The following CPHXL2 variants were observed in gnomAD, a reference collection of about 807,000 sequenced individuals.
CPHXL2 encodes cytoplasmic polyadenylated homeobox-like protein 2.
the CPHXL2 span, among the ~76,000 whole-genome samples, chr16:75,665,589 G>A: frequency 6.6e-6 from 1 of 152,196 alleles, no homozygotes; most frequent in Non-Finnish European, 1.5e-5. Flanking sequence ...ATAGCCAGGT[G>A]CAGTGGCACA....
the CPHXL2 span, among the ~76,000 whole-genome samples, chr16:75,668,446 C>A: frequency 6.6e-6 from 1 of 152,096 alleles, no homozygotes; most frequent in Non-Finnish European, 1.5e-5. Context: ...TCAGGCTGGT[C>A]TCAAACTCCT....
At chr16:75,660,783 C>T in the CPHXL2 span, 1 of 398,540 alleles carries the variant, frequency 2.5e-6, no homozygotes, top group Non-Finnish European at 4.4e-6. Context: ...AGGATGAAGG[C>T]ATTCTGCAGA....
the CPHXL2 span, among the ~76,000 whole-genome samples, chr16:75,667,836 C>T: frequency 6.6e-6 from 1 of 152,220 alleles, no homozygotes; most frequent in East Asian, 1.9e-4. Flanking sequence ...TCTGACACAC[C>T]TGCCCCTACC....
chr16:75,667,418 A>T, the CPHXL2 span, among the ~76,000 whole-genome samples: 1 of 152,014 alleles, frequency 6.6e-6, no homozygotes, highest in Non-Finnish European at 1.5e-5. Flanking sequence ...ATTCTAGTTT[A>T]TATTAATGGG....
At chr16:75,671,361 C>CAAAAA in the CPHXL2 span, among the ~76,000 whole-genome samples, 561 of 126,340 alleles carry the variant, frequency 4.4e-3, 10 homozygotes, top group African/African-American at 0.015. Context: ...GACTCTGTAT[C>CAAAAA]AAAAAAAAAA....
At chr16:75,670,261 A>C in the CPHXL2 span, among the ~76,000 whole-genome samples, 2 of 152,048 alleles carry the variant, frequency 1.3e-5, no homozygotes, top group Admixed American at 6.6e-5. Context: ...ATATTTTATT[A>C]TTTCATCACT....
the CPHXL2 span, among the ~76,000 whole-genome samples, chr16:75,665,540 A>G: frequency 1.3e-5 from 2 of 152,226 alleles, no homozygotes; most frequent in African/African-American, 2.4e-5. Context: ...TTTAAAGCAT[A>G]AATCTCACAG....
chr16:75,662,834 T>C, the CPHXL2 span, among the ~76,000 whole-genome samples: 4 of 149,582 alleles, frequency 2.7e-5, no homozygotes, highest in East Asian at 8.0e-4. Flanking sequence ...AGTCTCGCTC[T>C]GTCGTCCAGG....
At chr16:75,670,185 A>G in the CPHXL2 span, among the ~76,000 whole-genome samples, 1 of 152,192 alleles carries the variant, frequency 6.6e-6, no homozygotes, top group Non-Finnish European at 1.5e-5. Flanking sequence ...AAGTGCTGGG[A>G]TTACAGGGGT....
the CPHXL2 span, among the ~76,000 whole-genome samples, chr16:75,673,027 C>T: frequency 7.2e-5 from 10 of 138,568 alleles, no homozygotes; most frequent in Admixed American, 7.9e-4. Flanking sequence ...GTGAGCCGTG[C>T]ACGTGCCACT....
At chr16:75,674,630 A>T in the CPHXL2 span, among the ~76,000 whole-genome samples, 1 of 152,132 alleles carries the variant, frequency 6.6e-6, no homozygotes, top group African/African-American at 2.4e-5. Context: ...GAGGCCCCAA[A>T]TAGCCAAAAT....
the CPHXL2 span, among the ~76,000 whole-genome samples, chr16:75,676,066 C>A: frequency 1.3e-5 from 2 of 151,432 alleles, no homozygotes; most frequent in African/African-American, 4.8e-5. Context: ...GTGACAAGAG[C>A]AAAACTCCGT....
At chr16:75,666,616 A>G in the CPHXL2 span, among the ~76,000 whole-genome samples, 1 of 151,582 alleles carries the variant, frequency 6.6e-6, no homozygotes, top group African/African-American at 2.4e-5. Context: ...CTCAAAAAAA[A>G]AAAAAAAAAA....
the CPHXL2 span, among the ~76,000 whole-genome samples, chr16:75,665,310 A>G: frequency 9.2e-5 from 14 of 152,384 alleles, no homozygotes; most frequent in Admixed American, 2.6e-4. Context: ...TACAAGCTAG[A>G]AGGGATTGGG....
the CPHXL2 span, among the ~76,000 whole-genome samples, chr16:75,668,802 A>C: frequency 6.6e-6 from 1 of 152,134 alleles, no homozygotes; most frequent in African/African-American, 2.4e-5. Context: ...CTGGGATTAC[A>C]GGTGTGTGCC....
chr16:75,674,372 CA>C, the CPHXL2 span, among the ~76,000 whole-genome samples: 6,678 of 53,406 alleles, frequency 0.13, 56 homozygotes, highest in African/African-American at 0.16. Flanking sequence ...GACTCCGTCT[CA>C]AAAAAAAAAA....
chr16:75,672,157 T>A, the CPHXL2 span, among the ~76,000 whole-genome samples: 1 of 151,484 alleles, frequency 6.6e-6, no homozygotes, highest in East Asian at 2.0e-4. Flanking sequence ...CGGGTGCCTG[T>A]AATCCCAGCT....
At chr16:75,676,792 G>T in the CPHXL2 span, among the ~76,000 whole-genome samples, 2 of 152,140 alleles carry the variant, frequency 1.3e-5, no homozygotes, top group African/African-American at 4.8e-5. Flanking sequence ...AATCATAATT[G>T]GGTTTAATTT....
the CPHXL2 span, among the ~76,000 whole-genome samples, chr16:75,664,891 C>T: frequency 1.3e-5 from 2 of 152,152 alleles, no homozygotes; most frequent in Non-Finnish European, 2.9e-5. Flanking sequence ...TTGGTCCCCA[C>T]CAGCAAGAAA....
Sources: gnomAD v4.1 joint callset for allele counts (sites outside exome capture counted in the v4.1 genomes callset) on GRCh38, gnomAD v4.1.1 for gene constraint, MANE v1.5 for transcripts, NCBI Gene and HGNC (gene_info 2026-07-23, HGNC 2026-07-21) for gene names.